The following PRKG1 variants were observed in gnomAD, a reference collection of about 807,000 sequenced individuals.
PRKG1 encodes cGMP-dependent protein kinase 1.
PRKG1 carries 35 observed loss-of-function variants against 88.1 expected under a neutral mutation model. The ratio of observed to expected loss-of-function variants is 0.40; its 90% CI spans 0.30 to 0.53. The LOEUF (loss-of-function observed/expected upper bound fraction) is 0.53. Ranked by LOEUF, PRKG1 falls within the 20% of genes least tolerant of loss-of-function variation. The pLI is 0.59. For missense variants in PRKG1, 540 were observed against 839.8 expected, an observed-to-expected ratio of 0.64 and a Z score of 4.41; for synonymous variants, 303 against 292.5, an observed-to-expected ratio of 1.04 and a Z score of -0.37.
intron 3 of PRKG1, among the ~76,000 whole-genome samples, chr10:51,488,335 A>C (rs1840605634): frequency 6.6e-6 from 1 of 152,184 alleles, no homozygotes; most frequent in Non-Finnish European, 1.5e-5. Context: ...ACAAGTTCTA[A>C]TTCCTAACTA....
intron 3 of PRKG1, among the ~76,000 whole-genome samples, chr10:51,573,024 A>G (rs1237836264): frequency 1.3e-5 from 2 of 151,882 alleles, no homozygotes; most frequent in East Asian, 1.9e-4. Flanking sequence ...ATTGTAGATA[A>G]CTGTCTCATT....
At chr10:52,042,061 A>AGAACAGAAGT (rs527239170) in intron 5 of PRKG1, among the ~76,000 whole-genome samples, 56 of 152,318 alleles carry the variant, frequency 3.7e-4, no homozygotes, top group African/African-American at 1.3e-3. Context: ...GAAATTAAAG[A>AGAACAGAAGT]GAACAGAAGT....
At chr10:51,521,504 T>C (rs1841735754) in intron 3 of PRKG1, among the ~76,000 whole-genome samples, 1 of 152,216 alleles carries the variant, frequency 6.6e-6, no homozygotes, top group African/African-American at 2.4e-5. Flanking sequence ...TTAAAATTAA[T>C]TGCTGAAAAT....
intron 5 of PRKG1, among the ~76,000 whole-genome samples, chr10:51,995,704 A>G (rs1028602323): frequency 1.5e-4 from 23 of 152,182 alleles, no homozygotes; most frequent in African/African-American, 5.6e-4. Context: ...AGCATACTCT[A>G]CCAGTAAATG....
At chr10:51,953,707 G>T (rs983724191) in intron 5 of PRKG1, among the ~76,000 whole-genome samples, 1 of 152,074 alleles carries the variant, frequency 6.6e-6, no homozygotes. Flanking sequence ...ACACCATATT[G>T]TGTGTGCGGT....
intron 2 of PRKG1, among the ~76,000 whole-genome samples, chr10:51,316,685 A>AAAAT (rs139669190): frequency 0.17 from 25,368 of 150,886 alleles, 2,155 homozygotes; most frequent in African/African-American, 0.19. Context: ...TCCGTCTCAA[A>AAAAT]AAATAAATAA....
intron 16 of PRKG1, 128 bp from the exon 17 acceptor site, chr10:52,290,096 G>A: frequency 1.5e-6 from 1 of 672,068 alleles, no homozygotes; most frequent in Non-Finnish European, 2.5e-6. Flanking sequence ...CAATTAAATA[G>A]AAAACATTTT....
chr10:51,543,198 T>G (rs977939954), intron 3 of PRKG1, among the ~76,000 whole-genome samples: 3 of 152,172 alleles, frequency 2.0e-5, no homozygotes, highest in African/African-American at 7.2e-5. Context: ...AATGTGCTTG[T>G]CAAATTGAAT....
chr10:52,281,863 C>G (rs1484522319), intron 13 of PRKG1, among the ~76,000 whole-genome samples: 1 of 152,026 alleles, frequency 6.6e-6, no homozygotes, highest in Non-Finnish European at 1.5e-5. Flanking sequence ...ACTCCAACCT[C>G]CATTAGCATA....
rs889351119 is a variant in PRKG1 at position 51,211,842 on chromosome 10, T to C, written c.478+58512T>C. Among the ~76,000 whole-genome samples the C allele has an allele frequency of 1.4e-4, 22 of 152,210 alleles. No homozygotes were observed. The East Asian group carries it at 1.7e-3, about 12-fold the overall frequency. On this transcript the variant is annotated intron_variant, in intron 2 of 17. Coordinates refer to ENST00000373980, the MANE Select transcript of PRKG1 (RefSeq NM_006258.4). Reference sequence around the variant, plus strand: ...GGATACAAACAAATGGAAGAACATTTCATGCTCATGGATAGGAAGAATCAA... The same window carrying C: ...GGATACAAACAAATGGAAGAACATTCCATGCTCATGGATAGGAAGAATCAA...
At position 51,995,741 on chromosome 10, in the gene PRKG1, A is replaced by G. The variant is rs183494865; in HGVS notation, c.763-58743A>G. Among the ~76,000 whole-genome samples the G allele has an allele frequency of 2.0e-3, 305 of 152,316 alleles. 1 individual carries two copies. The highest frequency in any genetic ancestry group is 6.8e-3 in the African/African-American group (284 of 41,566). ...CTGTGGGAAAGTTCCATAATATTTT[A>G]GCTCAGTTCCTTATCTGAAAAATGG... On this transcript the variant is annotated intron_variant, in intron 5 of 17. Transcript: ENST00000373980.
At chr10:52,075,863 G>T (rs1846615110) in intron 7 of PRKG1, among the ~76,000 whole-genome samples, 1 of 152,018 alleles carries the variant, frequency 6.6e-6, no homozygotes, top group Non-Finnish European at 1.5e-5. Context: ...TCTTGTAAGG[G>T]CACTAATTCC....
rs957453161 is a variant in PRKG1, at chr10:51,340,233, G to A, written c.479-127490G>A. Among the ~76,000 whole-genome samples the A allele has an allele frequency of 1.3e-4, 20 of 152,038 alleles. 1 individual carries two copies. The highest frequency in any genetic ancestry group is 1.1e-3 in the Admixed American group (17 of 15,270). On this transcript the variant is annotated intron_variant, in intron 2 of 17. Coordinates refer to ENST00000373980, the MANE Select transcript of PRKG1 (RefSeq NM_006258.4). Reference sequence around the variant, plus strand: ...AAATTCTAAAGAAAAGAAACCTATCGCTCTGATATTTTCCATTGATAGCTT... The same window carrying A: ...AAATTCTAAAGAAAAGAAACCTATCACTCTGATATTTTCCATTGATAGCTT...
rs539441510 is a variant in PRKG1, at chr10:51,616,114, G to A, written c.592+148278G>A. On this transcript the variant is annotated intron_variant, in intron 3 of 17. Transcript: ENST00000373980. ...ATTTATTATTTCCTCAGTGACTTAC[G>A]ATATGGTTATTATTGGAGGCTGTGG... Among the ~76,000 whole-genome samples, 171 of 152,290 alleles carry A rather than the reference G, an allele frequency of 1.1e-3. 3 individuals are homozygous for A. In the South Asian group the frequency reaches 0.021, roughly 19 times the overall value.
intron 7 of PRKG1, among the ~76,000 whole-genome samples, chr10:52,098,902 A>G (rs1438332842): frequency 2.0e-5 from 3 of 152,334 alleles, no homozygotes; most frequent in Non-Finnish European, 4.4e-5. Context: ...AGTTGGTTCC[A>G]TGAATGCCTT....
intron 2 of PRKG1, among the ~76,000 whole-genome samples, chr10:51,382,048 C>T (rs921700477): frequency 9.2e-5 from 14 of 152,022 alleles, no homozygotes; most frequent in African/African-American, 3.1e-4. Flanking sequence ...CCCGAATGTT[C>T]TCTTCAGTTT....
chr10:52,186,475 G>C (rs903597391), intron 9 of PRKG1, among the ~76,000 whole-genome samples: 5 of 151,830 alleles, frequency 3.3e-5, no homozygotes, highest in Admixed American at 3.3e-4. Context: ...TTTTCCCCCA[G>C]GATCCAATCA....
chr10:51,567,202 T>C (rs7901244), intron 3 of PRKG1, among the ~76,000 whole-genome samples: 10,487 of 152,010 alleles, frequency 0.069, 1,177 homozygotes, highest in African/African-American at 0.24. Flanking sequence ...TATATGTGCC[T>C]CTCCCTACTC....
At chr10:52,176,120 G>A (rs1838857994) in intron 9 of PRKG1, among the ~76,000 whole-genome samples, 1 of 146,258 alleles carries the variant, frequency 6.8e-6, no homozygotes, top group African/African-American at 2.5e-5. Context: ...GAGTTTTGCA[G>A]TTTGGGGTCT....
Sources: allele counts gnomAD v4.1 joint callset (sites outside exome capture counted in the v4.1 genomes callset), GRCh38; gene constraint gnomAD v4.1.1; transcripts MANE v1.5; gene names NCBI Gene and HGNC (gene_info 2026-07-23, HGNC 2026-07-21).